Variants in BBX observed in about 807,000 individuals in gnomAD.
BBX encodes the protein BBX high mobility group box domain containing, also known as HMG box transcription factor BBX.
In BBX, 30 loss-of-function variants were observed where a neutral mutation model predicts 100.2. The ratio of observed to expected loss-of-function variants is 0.30; its 90% CI spans 0.22 to 0.41. The LOEUF (loss-of-function observed/expected upper bound fraction) is 0.41. BBX is among the 10% of genes least tolerant of loss of function. The pLI is 1.00. For synonymous variants in BBX, 376 were observed against 388.1 expected, an observed-to-expected ratio of 0.97 and a Z score of 0.37; for missense variants, 1,023 against 1,129.8, an observed-to-expected ratio of 0.91 and a Z score of 1.35.
chr3:107,675,388 G>GGGAAGC (rs2059230920), intron 3 of BBX, among the ~76,000 whole-genome samples: 1 of 152,114 alleles, frequency 6.6e-6, no homozygotes, highest in African/African-American at 2.4e-5. Flanking sequence ...CTGTGCTGAT[G>GGGAAGC]GGAAGCAGAA....
At chr3:107,554,930 T>C (rs1275909461) in intron 2 of BBX, among the ~76,000 whole-genome samples, 1 of 151,928 alleles carries the variant, frequency 6.6e-6, no homozygotes, top group Non-Finnish European at 1.5e-5. Context: ...TAGCCGGGCA[T>C]GGTGACGCAT....
At chr3:107,612,986 C>G (rs898041147) in intron 2 of BBX, among the ~76,000 whole-genome samples, 4 of 152,088 alleles carry the variant, frequency 2.6e-5, no homozygotes, top group African/African-American at 9.7e-5. Flanking sequence ...CTCTTCCCTC[C>G]CCTTTCCCCA....
At chr3:107,596,130 G>A (rs139884327) in intron 2 of BBX, among the ~76,000 whole-genome samples, 19 of 152,238 alleles carry the variant, frequency 1.2e-4, no homozygotes, top group African/African-American at 4.6e-4. Context: ...TATTGTTTAA[G>A]GGTCAACTGT....
chr3:107,790,618 G>A (rs1481531869), intron 14 of BBX, among the ~76,000 whole-genome samples: 1 of 152,160 alleles, frequency 6.6e-6, no homozygotes, highest in Admixed American at 6.5e-5. Context: ...ATCTGGCTCA[G>A]TGCAGCCAAG....
intron 2 of BBX, among the ~76,000 whole-genome samples, chr3:107,613,189 A>ATT (rs1378133556): frequency 3.8e-5 from 5 of 131,894 alleles, no homozygotes; most frequent in Admixed American, 7.6e-5. Context: ...ATGGAAGGCT[A>ATT]TTTTTTTTTT....
intron 15 of BBX, among the ~76,000 whole-genome samples, chr3:107,797,831 A>G (rs1371042993): frequency 6.6e-6 from 1 of 152,184 alleles, no homozygotes; most frequent in Non-Finnish European, 1.5e-5. Flanking sequence ...TGGGGTTACA[A>G]TTAGGATACC....
chr3:107,763,531 C>T lies in BBX; in HGVS notation c.906+7853C>T, dbSNP rs141286702. Among the ~76,000 whole-genome samples, 1,089 of 152,226 alleles carry T rather than the reference C, an allele frequency of 7.2e-3. 9 individuals are homozygous for T. The highest frequency in any genetic ancestry group is 0.013 in the Non-Finnish European group (869 of 68,010). ...GCCAAGGTTTATTTTATCTTTAAAGCGAGTCCGTAGTAACAAACTGAGCCT... is the reference window on the plus strand; with the variant it reads ...GCCAAGGTTTATTTTATCTTTAAAGTGAGTCCGTAGTAACAAACTGAGCCT... On this transcript the variant is annotated intron_variant, in intron 10 of 17. Transcript: ENST00000325805.
At chr3:107,786,706 C>A (rs921564509) in intron 13 of BBX, among the ~76,000 whole-genome samples, 2 of 152,046 alleles carry the variant, frequency 1.3e-5, no homozygotes, top group African/African-American at 4.8e-5. Context: ...AGCAAATGGG[C>A]AAATCTTTAT....
chr3:107,543,150 C>G (rs1055157710), intron 2 of BBX, among the ~76,000 whole-genome samples: 3 of 151,954 alleles, frequency 2.0e-5, no homozygotes, highest in Non-Finnish European at 4.4e-5. Flanking sequence ...TAACTTAAAT[C>G]CAAAGAGAAT....
At chr3:107,549,729 G>T (rs998409878) in intron 2 of BBX, among the ~76,000 whole-genome samples, 2 of 152,190 alleles carry the variant, frequency 1.3e-5, no homozygotes, top group African/African-American at 4.8e-5. Context: ...GGCAAGCCAT[G>T]TGCATTCCTT....
chr3:107,659,677 T>C (rs947607765), intron 3 of BBX: 1 of 1,230,418 alleles, frequency 8.1e-7, no homozygotes, highest in Admixed American at 2.4e-5. Flanking sequence ...GGGTTTGTTC[T>C]CCTAACCACA....
intron 2 of BBX, among the ~76,000 whole-genome samples, chr3:107,583,305 A>G (rs2052422571): frequency 6.6e-6 from 1 of 152,036 alleles, no homozygotes; most frequent in Non-Finnish European, 1.5e-5. Flanking sequence ...GAACTTGCAG[A>G]TCAGCTGCTC....
chr3:107,564,742 A>ATT (rs2050755548), intron 2 of BBX, among the ~76,000 whole-genome samples: 1 of 152,238 alleles, frequency 6.6e-6, no homozygotes, highest in African/African-American at 2.4e-5. Flanking sequence ...CTTTGGAAAT[A>ATT]AGTGATTGAC....
chr3:107,669,060 A>G (rs1011869504), intron 3 of BBX, among the ~76,000 whole-genome samples: 8 of 152,132 alleles, frequency 5.3e-5, no homozygotes, highest in Non-Finnish European at 7.4e-5. Flanking sequence ...GTGGTCTTCA[A>G]TGGGAACTTT....
chr3:107,612,053 T>G (rs1290207506), intron 2 of BBX, among the ~76,000 whole-genome samples: 1 of 152,040 alleles, frequency 6.6e-6, no homozygotes, highest in East Asian at 1.9e-4. Flanking sequence ...CAATTCCAGA[T>G]TTTTGTTTGA....
At chr3:107,739,025 TA>T (rs2063868453) in intron 7 of BBX, among the ~76,000 whole-genome samples, 1 of 152,210 alleles carries the variant, frequency 6.6e-6, no homozygotes, top group South Asian at 2.1e-4. Context: ...GGTTGAATTT[TA>T]CCAATATTTG....
chr3:107,733,208 T>C (rs1395833629), intron 7 of BBX, among the ~76,000 whole-genome samples, 185 bp downstream of exon 7: 3 of 152,126 alleles, frequency 2.0e-5, no homozygotes, highest in Non-Finnish European at 1.5e-5. Flanking sequence ...GTGGTGTAAA[T>C]AAGGCCATGA....
intron 3 of BBX, among the ~76,000 whole-genome samples, chr3:107,672,838 T>C (rs1017755805): frequency 3.4e-4 from 51 of 152,106 alleles, no homozygotes; most frequent in Non-Finnish European, 5.9e-5. Flanking sequence ...TTATCCTTTG[T>C]GAAGAGTGTC....
chr3:107,741,293 T>C (rs2064085212), intron 7 of BBX, among the ~76,000 whole-genome samples: 1 of 152,154 alleles, frequency 6.6e-6, no homozygotes. Context: ...CTTTTTTATG[T>C]ATTCAATTTC....
Sources: gnomAD v4.1 joint callset for allele counts (sites outside exome capture counted in the v4.1 genomes callset) on GRCh38, gnomAD v4.1.1 for gene constraint, MANE v1.5 for transcripts, NCBI Gene and HGNC (gene_info 2026-07-23, HGNC 2026-07-21) for gene names.